The following KIAA1217 variants were observed in gnomAD, a reference collection of about 807,000 sequenced individuals.
KIAA1217 encodes KIAA1217.
KIAA1217 carries 88 observed loss-of-function variants against 163.9 expected under a neutral mutation model. The observed-to-expected ratio is 0.54, with a 90% confidence interval of 0.45 to 0.64. KIAA1217 has a LOEUF of 0.64. Among genes scored for constraint, KIAA1217 ranks in the 30% least tolerant of loss-of-function variants. The probability of loss-of-function intolerance (pLI) is 0.00; values close to 1 mark genes in which losing one functional copy is unlikely to be tolerated. For synonymous variants in KIAA1217, 903 were observed against 923.1 expected (o/e 0.98, Z 0.39); for missense variants, 2,372 against 2,475.0 (o/e 0.96, Z 0.88).
chr10:24,438,477 A>C lies in KIAA1217; in HGVS notation c.844A>C (p.Arg282=). The change falls in exon 5 of 21, where the codon AGG becomes CGG. Residue 282 remains arginine, a splice_region_variant and synonymous_variant. Transcript: ENST00000376454. ...HTPKTMNGDM[R]MQRELVYARG... ...ACCAAAAACTATGAATGGAGACATG[A>C]GGGTAAGTGTTTCTGTCATATTTTT... The C allele has an allele frequency of 6.2e-7, 1 of 1,601,030 alleles. No homozygotes were observed. Among genetic ancestry groups the C allele is most frequent in the Non-Finnish European group, 8.6e-7 (1 of 1,168,106 alleles).
chr10:24,325,445 GAGA>G, intron 2 of KIAA1217, among the ~76,000 whole-genome samples: 1 of 152,326 alleles, frequency 6.6e-6, no homozygotes, highest in South Asian at 2.1e-4. Flanking sequence ...GAGTAAGAGT[GAGA>G]AGGTCATCTT....
chr10:23,960,368 C>T (rs1209458721), intron 1 of KIAA1217, among the ~76,000 whole-genome samples: 1 of 152,050 alleles, frequency 6.6e-6, no homozygotes, highest in Admixed American at 6.5e-5. Context: ...AGCAATTCTC[C>T]TGCCTCAGCC....
At position 23,742,834 on chromosome 10, in the gene KIAA1217, CTG is replaced by C. The variant is rs1187084338; in HGVS notation, c.-321+47601_-321+47602del. Reference sequence around the variant, plus strand: ...ATGAACAGCCAAGGTACAATGAAGACTGAGAAATTCCCATTGGGTGGGCCATG... The same window carrying C: ...ATGAACAGCCAAGGTACAATGAAGACAGAAATTCCCATTGGGTGGGCCATG... On this transcript the variant is annotated intron_variant, in intron 1 of 18. Coordinates refer to the KIAA1217 transcript ENST00000376462. Among the ~76,000 whole-genome samples, 7 of 152,310 alleles carry C rather than the reference CTG, an allele frequency of 4.6e-5. No individual in the cohort carries two copies. The East Asian group carries it at 1.2e-3, about 25-fold the overall frequency.
chr10:24,390,840 T>C (rs1296700400), intron 3 of KIAA1217, among the ~76,000 whole-genome samples: 1 of 152,178 alleles, frequency 6.6e-6, no homozygotes, highest in Non-Finnish European at 1.5e-5. Context: ...CTTTATCAAC[T>C]AGGATTTTCA....
chr10:23,991,501 G>A (rs1392583790), intron 1 of KIAA1217, among the ~76,000 whole-genome samples: 1 of 152,150 alleles, frequency 6.6e-6, no homozygotes, highest in Admixed American at 6.5e-5. Flanking sequence ...GTATCTGCAA[G>A]TGTAATATAT....
chr10:24,134,877 G>A (rs997610221), intron 2 of KIAA1217, among the ~76,000 whole-genome samples: 2 of 152,098 alleles, frequency 1.3e-5, no homozygotes, highest in Admixed American at 1.3e-4. Flanking sequence ...ACGCCCAGCT[G>A]AGGCATTAAT....
intron 2 of KIAA1217, among the ~76,000 whole-genome samples, chr10:24,220,703 C>T (rs540145608): frequency 6.6e-6 from 1 of 151,188 alleles, no homozygotes; most frequent in Non-Finnish European, 1.5e-5. Flanking sequence ...ATCCGCCCAC[C>T]TCAGCCTCCC....
chr10:23,937,897 C>G (rs1938053), intron 1 of KIAA1217, among the ~76,000 whole-genome samples: 64,748 of 152,012 alleles, frequency 0.43, 16,968 homozygotes, highest in African/African-American at 0.74. Context: ...TTCCAGGAAT[C>G]GGTTTCCAGA....
intron 1 of KIAA1217, among the ~76,000 whole-genome samples, chr10:23,789,391 G>A (rs1047503173): frequency 6.6e-6 from 1 of 152,110 alleles, no homozygotes; most frequent in Non-Finnish European, 1.5e-5. Flanking sequence ...TGCAGAATCT[G>A]CCATGAACGC....
intron 2 of KIAA1217, chr10:24,275,913 T>G (rs774774013): frequency 4.8e-6 from 2 of 420,800 alleles, no homozygotes; most frequent in Non-Finnish European, 9.5e-6. Flanking sequence ...TGATATTCCT[T>G]TTTAAACTGT....
intron 2 of KIAA1217, among the ~76,000 whole-genome samples, chr10:24,158,951 C>T (rs117018564): frequency 0.015 from 2,352 of 152,254 alleles, 25 homozygotes; most frequent in Middle Eastern, 0.058. Context: ...GTAGCTCACA[C>T]TTTAGAAGAT....
At chr10:23,970,527 G>C (rs1305372877) in intron 1 of KIAA1217, among the ~76,000 whole-genome samples, 1 of 152,132 alleles carries the variant, frequency 6.6e-6, no homozygotes, top group East Asian at 1.9e-4. Flanking sequence ...AGGGTATAAA[G>C]TTTCAGTTAA....
chr10:24,514,732 G>A (rs1313430125), intron 10 of KIAA1217, among the ~76,000 whole-genome samples: 1 of 152,106 alleles, frequency 6.6e-6, no homozygotes, highest in Non-Finnish European at 1.5e-5. Context: ...GCTCATACCT[G>A]TAATCCCAGC....
At chr10:23,803,666 G>T (rs570921273) in intron 1 of KIAA1217, among the ~76,000 whole-genome samples, 9 of 152,234 alleles carry the variant, frequency 5.9e-5, no homozygotes, top group African/African-American at 1.9e-4. Flanking sequence ...TATGACATCT[G>T]TCTTTGTTTA....
At chr10:23,809,139 C>A (rs149836631) in intron 1 of KIAA1217, among the ~76,000 whole-genome samples, 47 of 151,956 alleles carry the variant, frequency 3.1e-4, no homozygotes, top group African/African-American at 1.0e-3. Flanking sequence ...ACAGTTCAAA[C>A]GTGTCCTTGA....
intron 2 of KIAA1217, among the ~76,000 whole-genome samples, chr10:24,096,836 A>G (rs1222170225): frequency 1.3e-5 from 2 of 152,100 alleles, no homozygotes; most frequent in African/African-American, 4.8e-5. Flanking sequence ...ATTTTTTCCT[A>G]TCAACCCCTC....
At chr10:23,860,443 C>A (rs950281162) in intron 1 of KIAA1217, among the ~76,000 whole-genome samples, 2 of 152,004 alleles carry the variant, frequency 1.3e-5, no homozygotes, top group African/African-American at 4.8e-5. Context: ...GATTCCCTTG[C>A]CCCATGTAAA....
chr10:24,497,108 TATA>T (rs2133850179), intron 8 of KIAA1217, among the ~76,000 whole-genome samples: 1 of 152,320 alleles, frequency 6.6e-6, no homozygotes, highest in South Asian at 2.1e-4. Flanking sequence ...GTGCACAAAA[TATA>T]ATAATTCTTC....
chr10:23,766,761 G>T (rs552879148), intron 1 of KIAA1217, among the ~76,000 whole-genome samples: 3 of 151,842 alleles, frequency 2.0e-5, no homozygotes, highest in African/African-American at 7.2e-5. Context: ...GCTAATTTTT[G>T]TATTTTTAGC....
Sources: gnomAD v4.1 joint callset for allele counts (sites outside exome capture counted in the v4.1 genomes callset) on GRCh38, gnomAD v4.1.1 for gene constraint, MANE v1.5 for transcripts, NCBI Gene and HGNC (gene_info 2026-07-23, HGNC 2026-07-21) for gene names.